Variants in VPS13B observed in about 807,000 individuals in gnomAD.
VPS13B encodes the protein vacuolar protein sorting 13 homolog B, also known as intermembrane lipid transfer protein VPS13B.
VPS13B carries 285 observed loss-of-function variants against 426.4 expected under a neutral mutation model. The observed-to-expected ratio is 0.67, with a 90% confidence interval of 0.61 to 0.74. The LOEUF is 0.74. Among genes scored for constraint, VPS13B ranks in the 30% least tolerant of loss-of-function variants. The probability of loss-of-function intolerance (pLI) is 0.00; values close to 1 mark genes in which losing one functional copy is unlikely to be tolerated. For missense variants in VPS13B, 4,537 were observed against 4,782.6 expected (o/e 0.95, Z 1.51); for synonymous variants, 1,676 against 1,676.4 (o/e 1.00, Z 0.01).
intron 25 of VPS13B, among the ~76,000 whole-genome samples, chr8:99,488,227 C>T (rs187176244): frequency 6.6e-6 from 1 of 152,180 alleles, no homozygotes; most frequent in African/African-American, 2.4e-5. Flanking sequence ...ATTATAGTAG[C>T]ACTTAATATT....
intron 28 of VPS13B, among the ~76,000 whole-genome samples, chr8:99,510,589 G>T (rs1821734799): frequency 6.6e-6 from 1 of 152,150 alleles, no homozygotes; most frequent in Non-Finnish European, 1.5e-5. Context: ...TGCAGCCTCT[G>T]CCTCCCGGGT....
chr8:99,763,404 G>A (rs964412340), intron 39 of VPS13B, among the ~76,000 whole-genome samples: 1 of 152,146 alleles, frequency 6.6e-6, no homozygotes, highest in Non-Finnish European at 1.5e-5. Context: ...CCCAGGTGCT[G>A]TGAAAATTCA....
chr8:99,405,062 C>T (rs1045247967), intron 21 of VPS13B, among the ~76,000 whole-genome samples: 8 of 152,064 alleles, frequency 5.3e-5, no homozygotes, highest in Non-Finnish European at 1.0e-4. Context: ...CTACAAGTTG[C>T]CTTAAATCTC....
rs1032893726 is a variant in VPS13B at position 99,247,797 on chromosome 8, C to A, written c.2516-26401C>A. Among the ~76,000 whole-genome samples, 3 of 151,718 alleles carry A rather than the reference C, an allele frequency of 2.0e-5. No homozygotes were observed. In the South Asian group the frequency reaches 6.2e-4, roughly 32 times the overall value. ...TATCTTAAATTTTTTTTTCATTTCA[C>A]TTGTTAAATATAGTGAATATGTTAT... On this transcript the variant is annotated intron_variant, in intron 17 of 61. Transcript: ENST00000357162.
intron 39 of VPS13B, among the ~76,000 whole-genome samples, chr8:99,732,504 A>G (rs1833647024): frequency 6.6e-6 from 1 of 152,234 alleles, no homozygotes; most frequent in African/African-American, 2.4e-5. Context: ...GGCCACACCA[A>G]GTTAAAAGGG....
chr8:99,691,247 C>CTGTGTG (rs144300139), intron 35 of VPS13B, among the ~76,000 whole-genome samples: 58 of 147,008 alleles, frequency 3.9e-4, no homozygotes, highest in South Asian at 2.0e-3. Context: ...GTATGGGATA[C>CTGTGTG]TGTGTGTGTG....
intron 19 of VPS13B, among the ~76,000 whole-genome samples, chr8:99,283,602 A>T (rs778490912): frequency 6.6e-5 from 10 of 152,128 alleles, no homozygotes; most frequent in African/African-American, 2.2e-4. Flanking sequence ...GCCCTTTGGG[A>T]GTTTTGATGG....
intron 29 of VPS13B, 95 bp downstream of exon 29, chr8:99,511,607 G>C: frequency 6.3e-6 from 8 of 1,265,994 alleles, no homozygotes; most frequent in Non-Finnish European, 8.8e-6. Flanking sequence ...AAAAATATGA[G>C]CAGTTGGTTG....
Position 99,766,066 on chromosome 8 carries a change from C to CTTTTTT in VPS13B, c.7051-686_7051-681dup, listed in dbSNP as rs71274933. On this transcript the variant is annotated intron_variant, in intron 39 of 61. Coordinates refer to ENST00000357162, the MANE Select transcript of VPS13B (RefSeq NM_152564.5). ...CTTATTTGGTGTGGCACCTTCATTA[C>CTTTTTT]TTTTTTTTTTTTTTTTTTTTTTTTT... 1.9e-4 allele frequency among the ~76,000 whole-genome samples: 10 copies of CTTTTTT among 52,316 alleles called. 1 individual carries two copies. Among genetic ancestry groups the CTTTTTT allele is most frequent in the Admixed American group, 2.6e-4 (1 of 3,784 alleles). The allele number at this position is 52,316 out of a possible 152,430, so 34.3% of individuals were successfully genotyped here. A position where few individuals can be genotyped will look rare whatever the true frequency, so the allele number is the denominator to read the frequency against.
intron 26 of VPS13B, 36 bp downstream of exon 26, chr8:99,501,894 C>G: frequency 6.3e-7 from 1 of 1,585,758 alleles, no homozygotes; most frequent in Non-Finnish European, 8.6e-7. Flanking sequence ...CTCCCTCCCT[C>G]TGTCCCTCCC....
chr8:99,372,396 T>G (rs1171065086), intron 19 of VPS13B, among the ~76,000 whole-genome samples: 1 of 152,070 alleles, frequency 6.6e-6, no homozygotes, highest in African/African-American at 2.4e-5. Context: ...TGGGAGAAAT[T>G]TTTTGCAATC....
intron 61 of VPS13B, among the ~76,000 whole-genome samples, chr8:99,873,710 G>A (rs1168075781): frequency 6.6e-6 from 1 of 152,178 alleles, no homozygotes; most frequent in African/African-American, 2.4e-5. Flanking sequence ...TCAAGCTGCA[G>A]AGCGTCTTTG....
rs746258724 is a variant in VPS13B at position 99,853,631 on chromosome 8, G to T, written c.10242G>T (p.Leu3414Phe). ...CTGGGGAAGAGCCTGTGGCTGCGTTGTTTGAACTTTACTGTGTGGAGATCT... is the reference window on the plus strand; with the variant it reads ...CTGGGGAAGAGCCTGTGGCTGCGTTTTTTGAACTTTACTGTGTGGAGATCT... ...PLPGEEPVAALFELYCVEICC... is the reference protein window; with the variant it reads ...PLPGEEPVAAFFELYCVEICC... Residue 3414 changes from leucine to phenylalanine, a missense_variant, in exon 56 of 62, where the codon TTG (leucine) becomes TTT (phenylalanine). Around this residue, in one of 2 missense-constraint regions of VPS13B, gnomAD observed 4,311 missense variants for 4,474.3 expected, o/e 0.96. Coordinates refer to ENST00000357162, the MANE Select transcript of VPS13B (RefSeq NM_152564.5). The T allele has an allele frequency of 1.9e-6, 3 of 1,614,170 alleles. No homozygotes were observed. The highest frequency in any genetic ancestry group is 2.5e-6 in the Non-Finnish European group (3 of 1,180,018).
chr8:99,541,496 C>T (rs1195034348), intron 30 of VPS13B, among the ~76,000 whole-genome samples: 1 of 152,044 alleles, frequency 6.6e-6, no homozygotes, highest in Non-Finnish European at 1.5e-5. Context: ...CTCTTCTTCC[C>T]CTTCCCCCTG....
intron 39 of VPS13B, among the ~76,000 whole-genome samples, chr8:99,766,414 T>C (rs1811229133): frequency 6.6e-6 from 1 of 152,232 alleles, no homozygotes; most frequent in African/African-American, 2.4e-5. Context: ...AGATTTTGTC[T>C]GTACTTAGCC....
chr8:99,684,167 G>A (rs1298561985), intron 35 of VPS13B, among the ~76,000 whole-genome samples: 1 of 152,148 alleles, frequency 6.6e-6, no homozygotes, highest in Non-Finnish European at 1.5e-5. Context: ...TGTTTTAGTT[G>A]TGGTACATCA....
At chr8:99,585,899 A>C (rs1282414478) in intron 33 of VPS13B, among the ~76,000 whole-genome samples, 3 of 152,174 alleles carry the variant, frequency 2.0e-5, no homozygotes, top group Non-Finnish European at 4.4e-5. Flanking sequence ...AACTGATCAT[A>C]TGGAGGTCCT....
At chr8:99,799,008 C>T (rs968602126) in intron 43 of VPS13B, 2 of 152,174 alleles carry the variant, frequency 1.3e-5, no homozygotes, top group East Asian at 1.9e-4. Flanking sequence ...TAACCTGTTA[C>T]CATGAGTCTG....
At chr8:99,149,263 C>G (rs918203293) in intron 14 of VPS13B, among the ~76,000 whole-genome samples, 2 of 152,196 alleles carry the variant, frequency 1.3e-5, no homozygotes, top group Admixed American at 6.5e-5. Context: ...TGTTTATGGT[C>G]CATATACAAT....
Sources: allele counts gnomAD v4.1 joint callset (sites outside exome capture counted in the v4.1 genomes callset), GRCh38; gene constraint gnomAD v4.1.1; regional missense constraint gnomAD v4.1.1; transcripts MANE v1.5; gene names NCBI Gene and HGNC (gene_info 2026-07-23, HGNC 2026-07-21).